Variants in TENM3 observed in about 807,000 individuals in gnomAD.
TENM3 encodes teneurin transmembrane protein 3, also known as teneurin-3.
In TENM3, 63 loss-of-function variants were observed where a neutral mutation model predicts 255.1. The observed-to-expected ratio is 0.25, with a 90% CI of 0.20 to 0.30. The LOEUF is 0.30. Ranked by LOEUF, TENM3 falls within the 10% of genes least tolerant of loss-of-function variation. The probability of loss-of-function intolerance (pLI) is 1.00; values close to 1 mark genes in which losing one functional copy is unlikely to be tolerated. For synonymous variants in TENM3, 1,306 were observed against 1,322.3 expected (o/e 0.99, Z 0.27); for missense variants, 2,929 against 3,461.1 (o/e 0.85, Z 3.86).
At chr4:182,276,408 C>T (rs1400217114) in intron 1 of TENM3, among the ~76,000 whole-genome samples, 1 of 152,190 alleles carries the variant, frequency 6.6e-6, no homozygotes, top group Non-Finnish European at 1.5e-5. Context: ...ATTCTTCTAG[C>T]CCTCTTGAGA....
intron 22 of TENM3, among the ~76,000 whole-genome samples, chr4:182,768,464 A>G (rs1763904480): frequency 6.6e-6 from 1 of 152,214 alleles, no homozygotes; most frequent in Admixed American, 6.5e-5. Flanking sequence ...TATTATAATC[A>G]TGGTGTTTCA....
In TENM3 at chr4:182,714,172, A is replaced by T. The variant is rs1561146773; in HGVS notation, c.2307A>T (p.Arg769Ser). 9.3e-6 allele frequency: 15 copies of T among 1,613,852 alleles called. No homozygotes were observed. The highest frequency in any genetic ancestry group is 1.1e-5 in the Non-Finnish European group (13 of 1,179,756). Residue 769 changes from arginine to serine, a missense_variant, in exon 13 of 28, where the codon AGA becomes AGT. Physicochemically the swap from Arg to Ser is moderately radical, Grantham distance 110 (BLOSUM62 -1). This residue lies in a region of TENM3 where 1,608 missense variants were observed against 1,884.4 expected (regional missense o/e 0.85). Coordinates refer to ENST00000511685, the MANE Select transcript of TENM3 (RefSeq NM_001080477.4). ...GWHCVCQPGW[R>S]GAGCDVAMET... The stretch of plus-strand genomic sequence containing the variant: ...ATTGTGTGTGCCAGCCTGGATGGAG[A>T]GGAGCAGGCTGTGACGTAGCCATGG...
At chr4:182,433,350 T>C (rs1249854192) in intron 3 of TENM3, among the ~76,000 whole-genome samples, 2 of 152,200 alleles carry the variant, frequency 1.3e-5, no homozygotes, top group African/African-American at 2.4e-5. Context: ...CAATAGGTGC[T>C]TGTGGGACAT....
chr4:182,696,670 A>G (rs1757449257), intron 12 of TENM3, among the ~76,000 whole-genome samples: 1 of 152,062 alleles, frequency 6.6e-6, no homozygotes, highest in Non-Finnish European at 1.5e-5. Flanking sequence ...GGTTGCAGTG[A>G]GCTGAGATTG....
chr4:181,487,336 G>A, the TENM3 span, among the ~76,000 whole-genome samples: 5 of 152,148 alleles, frequency 3.3e-5, no homozygotes, highest in Non-Finnish European at 7.3e-5. Context: ...ACCTGTATTA[G>A]TGCGTTTGGG....
At chr4:181,487,752 G>A in the TENM3 span, among the ~76,000 whole-genome samples, 1 of 152,100 alleles carries the variant, frequency 6.6e-6, no homozygotes, top group Non-Finnish European at 1.5e-5. Flanking sequence ...TGAAGGCACA[G>A]GGTCCAGAAA....
In TENM3 at chr4:182,266,496, A is replaced by G. The variant is rs532521895; in HGVS notation, c.-76+23020A>G. ...ATAGAAGCACAGCAGGTTTTTCTTAAAGCATTAATCTGCTCTTTCACAAAA... is the reference window on the plus strand; with the variant it reads ...ATAGAAGCACAGCAGGTTTTTCTTAGAGCATTAATCTGCTCTTTCACAAAA... On this transcript the variant is annotated intron_variant, in intron 1 of 27. Coordinates refer to ENST00000511685, the MANE Select transcript of TENM3 (RefSeq NM_001080477.4). Among the ~76,000 whole-genome samples the G allele has an allele frequency of 1.5e-4, 23 of 152,308 alleles. 1 individual carries two copies. The South Asian group carries it at 4.8e-3, about 32-fold the overall frequency.
intron 5 of TENM3, among the ~76,000 whole-genome samples, chr4:182,630,165 C>G (rs1482142146): frequency 6.6e-6 from 1 of 152,120 alleles, no homozygotes; most frequent in African/African-American, 2.4e-5. Context: ...ATCTTTTAAT[C>G]TAAGTTAACT....
chr4:181,856,367 G>A, the TENM3 span, among the ~76,000 whole-genome samples: 125,136 of 152,102 alleles, frequency 0.82, 53,683 homozygotes, highest in Non-Finnish European at 0.94. Context: ...GGCTTCATCT[G>A]CAAAGCCTCC....
chr4:181,672,339 A>G, the TENM3 span, among the ~76,000 whole-genome samples: 11 of 152,168 alleles, frequency 7.2e-5, no homozygotes, highest in Admixed American at 1.3e-4. Context: ...TGTTATTTCT[A>G]TATTTGGTAC....
rs550172293 is a variant in TENM3 at position 182,218,787 on chromosome 4, A to G, written c.-76+74033A>G. Among the ~76,000 whole-genome samples, 9 of 152,386 alleles carry G rather than the reference A, an allele frequency of 5.9e-5. No homozygotes were observed. The South Asian group carries it at 1.9e-3, about 32-fold the overall frequency. ...TAATATATTCGCAAACATAATGTAT[A>G]AGAAGAAAAAGAATCATGAAAATTT... On this transcript the variant is annotated intron_variant, in intron 1 of 2. Coordinates refer to the TENM3 transcript ENST00000512480.
chr4:181,709,507 G>A, the TENM3 span, among the ~76,000 whole-genome samples: 2 of 152,200 alleles, frequency 1.3e-5, no homozygotes, highest in African/African-American at 2.4e-5. Context: ...AGTGAACAAC[G>A]ACTGAGTAAT....
At chr4:182,770,734 A>G (rs962124125) in intron 22 of TENM3, among the ~76,000 whole-genome samples, 6 of 152,224 alleles carry the variant, frequency 3.9e-5, no homozygotes, top group Non-Finnish European at 7.3e-5. Context: ...ATTGTCACGT[A>G]TATGACCTCT....
the TENM3 span, among the ~76,000 whole-genome samples, chr4:181,917,438 C>T: frequency 3.3e-5 from 5 of 152,064 alleles, no homozygotes; most frequent in Admixed American, 2.6e-4. Flanking sequence ...AGTAGGCATT[C>T]AGTGAAATGT....
At chr4:181,833,762 A>G in the TENM3 span, among the ~76,000 whole-genome samples, 2 of 152,088 alleles carry the variant, frequency 1.3e-5, no homozygotes, top group Non-Finnish European at 2.9e-5. Context: ...GTTCTTAACA[A>G]CTTGCACTGA....
In TENM3 at chr4:182,754,361, C is replaced by T; in HGVS notation, c.4018-24C>T. On this transcript the variant is annotated intron_variant, in intron 21 of 27. Transcript: ENST00000511685. This position sits in a 1 kb window ranked among gnomAD's most constrained non-coding sequence, Gnocchi z 5.1. Reference sequence around the variant, plus strand: ...AACTGTAGTGCAGTAACTTACTAACCAGGCCATTTCTTTTTTTATTAAGGT... The same window carrying T: ...AACTGTAGTGCAGTAACTTACTAACTAGGCCATTTCTTTTTTTATTAAGGT... 6.4e-7 allele frequency: 1 copy of T among 1,550,408 alleles called. No individual in the cohort carries two copies. The highest frequency in any genetic ancestry group is 1.2e-5 in the South Asian group (1 of 80,858).
At chr4:182,271,971 C>T (rs1329449624) in intron 1 of TENM3, among the ~76,000 whole-genome samples, 1 of 152,184 alleles carries the variant, frequency 6.6e-6, no homozygotes, top group Non-Finnish European at 1.5e-5. Flanking sequence ...TTGCGCAGTC[C>T]TCGTGACCGT....
the TENM3 span, among the ~76,000 whole-genome samples, chr4:182,051,513 G>T: frequency 2.6e-5 from 4 of 151,580 alleles, no homozygotes; most frequent in Non-Finnish European, 5.9e-5. Context: ...AAGTAGCTGG[G>T]ACTACAGGCG....
intron 1 of TENM3, among the ~76,000 whole-genome samples, chr4:182,199,376 C>T (rs545287751): frequency 4.6e-4 from 70 of 152,088 alleles, no homozygotes; most frequent in African/African-American, 1.6e-3. Flanking sequence ...GAGCCAAGAT[C>T]GCACCACTGC....
Sources: allele counts gnomAD v4.1 joint callset (sites outside exome capture counted in the v4.1 genomes callset), GRCh38; gene constraint gnomAD v4.1.1; regional missense constraint gnomAD v4.1.1; non-coding constraint Gnocchi (gnomAD v3.1); transcripts MANE v1.5; gene names NCBI Gene and HGNC (gene_info 2026-07-23, HGNC 2026-07-21).